Variants in PCDHGB4 observed in about 807,000 individuals in gnomAD.
PCDHGB4 encodes the protein protocadherin gamma subfamily B, 4.
Under a neutral mutation model 60.5 loss-of-function variants are expected in PCDHGB4, and 38 were observed. The ratio of observed to expected loss-of-function variants is 0.63; its 90% CI spans 0.48 to 0.82. The LOEUF (loss-of-function observed/expected upper bound fraction) is 0.82, where lower values mean the gene tolerates loss of function less well. Among genes scored for constraint, PCDHGB4 ranks in the 40% least tolerant of loss-of-function variants. PCDHGB4 has a pLI of 0.00. For missense variants in PCDHGB4, 1,109 were observed against 1,209.6 expected (o/e 0.92, Z 1.23); for synonymous variants, 456 against 509.7 (o/e 0.89, Z 1.42).
Position 141,432,757 on chromosome 5 carries a change from C to T in PCDHGB4, c.2397+42476C>T. On this transcript the variant is annotated intron_variant, in intron 1 of 3. Coordinates refer to ENST00000519479, the MANE Select transcript of PCDHGB4 (RefSeq NM_003736.4). This position sits in a 1 kb window ranked among gnomAD's most constrained non-coding sequence, Gnocchi z 6.0. ...TCACGCTCACCGTGGCCGTGGCCGA[C>T]AGCATCCCCCAAGTCCTGGCGGACC... is the stretch of plus-strand genomic sequence containing the variant. 1.2e-6 allele frequency: 2 copies of T among 1,614,150 alleles called. No individual in the cohort carries two copies. Among genetic ancestry groups the T allele is most frequent in the African/African-American group, 1.3e-5 (1 of 75,076 alleles).
chr5:141,448,763 A>AC (rs1372638258), intron 1 of PCDHGB4, among the ~76,000 whole-genome samples: 11 of 151,572 alleles, frequency 7.3e-5, no homozygotes, highest in Admixed American at 5.3e-4. Flanking sequence ...ACACGGTGAA[A>AC]CCCCGTCTGT....
In PCDHGB4 at chr5:141,431,150, C is replaced by A. The variant is rs1007532359; in HGVS notation, c.2397+40869C>A. On this transcript the variant is annotated intron_variant, in intron 1 of 3. Transcript: ENST00000519479. The surrounding 1 kb of genome is among the most constrained non-coding windows in gnomAD (Gnocchi z 4.8). ...AGTAAGGGACATTAACGACAATGCGCCTTACTTTCGTGAAAGTGAATTAGA... is the reference window on the plus strand; with the variant it reads ...AGTAAGGGACATTAACGACAATGCGACTTACTTTCGTGAAAGTGAATTAGA... The A allele has an allele frequency of 1.2e-6, 2 of 1,614,226 alleles. No individual in the cohort carries two copies. The highest frequency in any genetic ancestry group is 1.7e-6 in the Non-Finnish European group (2 of 1,180,030).
intron 1 of PCDHGB4, chr5:141,427,677 C>T: frequency 1.2e-6 from 1 of 816,672 alleles, no homozygotes; most frequent in Non-Finnish European, 2.1e-6. Flanking sequence ...AAACAACCTT[C>T]CCGGAGCCTC....
chr5:141,496,306 C>T (rs1380057886), intron 2 of PCDHGB4, among the ~76,000 whole-genome samples: 1 of 152,202 alleles, frequency 6.6e-6, no homozygotes, highest in South Asian at 2.1e-4. Flanking sequence ...ATAGGCTCTG[C>T]GCCAGGCCTC....
Position 141,505,229 on chromosome 5 carries a change from G to T in PCDHGB4, c.2457-164G>T, listed in dbSNP as rs116169437. 9.5e-4 allele frequency: 809 copies of T among 847,460 alleles called. 6 individuals carry two copies. In the African/African-American group the frequency reaches 0.013, roughly 13 times the overall value. 52.5% of individuals were successfully genotyped at this position (847,460 alleles called of 1,614,324 possible). ...TGAGGGACTGACTTGTGGGATTCTG[G>T]CTTCTGAAGGATTGTAGAAGTGCCT... On this transcript the variant is annotated intron_variant, in intron 2 of 3. Coordinates refer to ENST00000519479, the MANE Select transcript of PCDHGB4 (RefSeq NM_003736.4).
chr5:141,392,568 T>A (rs2092555063), intron 1 of PCDHGB4: 4 of 442,486 alleles, frequency 9.0e-6, no homozygotes, highest in Non-Finnish European at 1.2e-5. Context: ...CAGTAACTAT[T>A]TAGGACTGTA....
rs779391932 is a variant in PCDHGB4, at chr5:141,419,996, C to T, written c.2397+29715C>T. Reference sequence around the variant, plus strand: ...CCTCGCGGTGATTCTAGCTATTGCTCTACGCCTGCGACAGTCTTTCAGCCC... The same window carrying T: ...CCTCGCGGTGATTCTAGCTATTGCTTTACGCCTGCGACAGTCTTTCAGCCC... On this transcript the variant is annotated intron_variant, in intron 1 of 3. Coordinates refer to ENST00000519479, the MANE Select transcript of PCDHGB4 (RefSeq NM_003736.4). 10 of 1,613,966 alleles carry T rather than the reference C, an allele frequency of 6.2e-6. No homozygotes were observed. In the East Asian group the frequency reaches 2.2e-4, roughly 36 times the overall value.
At chr5:141,399,454 G>A in intron 1 of PCDHGB4, 1 of 1,613,992 alleles carries the variant, frequency 6.2e-7, no homozygotes. Flanking sequence ...AGACGTCAAC[G>A]ATAACGCTCC....
At position 141,431,026 on chromosome 5, in the gene PCDHGB4, G is replaced by A; in HGVS notation, c.2397+40745G>A. On this transcript the variant is annotated intron_variant, in intron 1 of 3. Coordinates refer to ENST00000519479, the MANE Select transcript of PCDHGB4 (RefSeq NM_003736.4). This position sits in a 1 kb window ranked among gnomAD's most constrained non-coding sequence, Gnocchi z 4.8. Reference sequence around the variant, plus strand: ...GCGGCAGCTTGGTCACGGCGGGCAGGATAGACCGGGAGGAGCTCTGTATGG... The same window carrying A: ...GCGGCAGCTTGGTCACGGCGGGCAGAATAGACCGGGAGGAGCTCTGTATGG... The A allele has an allele frequency of 1.2e-6, 2 of 1,614,118 alleles. No homozygotes were observed. The highest frequency in any genetic ancestry group is 1.7e-6 in the Non-Finnish European group (2 of 1,179,960).
intron 1 of PCDHGB4, among the ~76,000 whole-genome samples, chr5:141,426,008 T>G (rs2096909040): frequency 6.6e-6 from 1 of 152,224 alleles, no homozygotes; most frequent in South Asian, 2.1e-4. Context: ...GGCTTCCGGC[T>G]GCAGTTTTCT....
At chr5:141,494,455 G>A (rs906714175) in intron 1 of PCDHGB4, among the ~76,000 whole-genome samples, 2 of 152,156 alleles carry the variant, frequency 1.3e-5, no homozygotes, top group African/African-American at 4.8e-5. Flanking sequence ...AGGGGGCTTT[G>A]TCTGCACCTC....
chr5:141,394,006 TAGGTA>T, intron 1 of PCDHGB4: 3 of 1,613,358 alleles, frequency 1.9e-6, no homozygotes, highest in Admixed American at 3.3e-5. Flanking sequence ...GAAAAGTCAA[TAGGTA>T]ATTATTATAG....
chr5:141,419,065 C>G (rs763008753), intron 1 of PCDHGB4: 2 of 1,613,786 alleles, frequency 1.2e-6, no homozygotes, highest in South Asian at 2.2e-5. Context: ...ATAATTACTA[C>G]AAGCTAGTAA....
chr5:141,467,095 C>G (rs930625426), intron 1 of PCDHGB4, among the ~76,000 whole-genome samples: 2 of 150,094 alleles, frequency 1.3e-5, no homozygotes, highest in African/African-American at 4.9e-5. Context: ...CTCTGTCACA[C>G]AGGCTGGAGT....
At chr5:141,417,635 G>A in intron 1 of PCDHGB4, 1 of 724,902 alleles carries the variant, frequency 1.4e-6, no homozygotes, top group Non-Finnish European at 2.1e-6. Context: ...CTGACGCCGG[G>A]GATCCCTCAG....
chr5:141,491,802 G>C lies in PCDHGB4; in HGVS notation c.2398-3005G>C, dbSNP rs759587995. 1 of 1,497,480 alleles carries C rather than the reference G, an allele frequency of 6.7e-7. No homozygotes were observed. The highest frequency in any genetic ancestry group is 1.3e-5 in the South Asian group (1 of 74,938). The allele number at this position is 1,497,480 out of a possible 1,614,324, so 92.8% of individuals were successfully genotyped here. A position where few individuals can be genotyped will look rare whatever the true frequency, so the allele number is the denominator to read the frequency against. On this transcript the variant is annotated intron_variant, in intron 1 of 3. Coordinates refer to ENST00000519479, the MANE Select transcript of PCDHGB4 (RefSeq NM_003736.4). The surrounding 1 kb of genome is among the most constrained non-coding windows in gnomAD (Gnocchi z 6.9). ...ACTTGCATCCACTCCTCTCCGGCCG[G>C]CTTGGTCGCTGGCTGCGCTCCACCC...
chr5:141,490,941 A>G lies in PCDHGB4; in HGVS notation c.2398-3866A>G. The G allele has an allele frequency of 6.2e-7, 1 of 1,613,628 alleles. No homozygotes were observed. The highest frequency in any genetic ancestry group is 8.5e-7 in the Non-Finnish European group (1 of 1,179,772). On this transcript the variant is annotated intron_variant, in intron 1 of 3. Coordinates refer to ENST00000519479, the MANE Select transcript of PCDHGB4 (RefSeq NM_003736.4). The surrounding 1 kb of genome is among the most constrained non-coding windows in gnomAD (Gnocchi z 5.4). ...ATAATGCCCCAGCTGTGCTGCACCC[A>G]CGGCCAGACTGGGAACACTCAGCCC... is the stretch of plus-strand genomic sequence containing the variant.
Position 141,431,335 on chromosome 5 carries a change from C to G in PCDHGB4, c.2397+41054C>G, listed in dbSNP as rs747132346. On this transcript the variant is annotated intron_variant, in intron 1 of 3. Transcript: ENST00000519479. The surrounding 1 kb of genome is among the most constrained non-coding windows in gnomAD (Gnocchi z 4.8). ...ATGGAGCCGACGGTAGTAAGTACCC[C>G]GAATTGGTGCTGAAACGCGCCCTGG... 2 of 1,614,062 alleles carry G rather than the reference C, an allele frequency of 1.2e-6. No homozygotes were observed. Among genetic ancestry groups the G allele is most frequent in the Non-Finnish European group, 1.7e-6 (2 of 1,180,022 alleles).
In PCDHGB4 at chr5:141,511,035, C is replaced by T. The variant is rs373005862; in HGVS notation, c.2634C>T (p.His878=). Residue 878 remains histidine (H), a synonymous_variant, in exon 4 of 4, where the codon CAC becomes CAT. Transcript: ENST00000519479. ...ACGGACCCCAGTTCACCCTGCAGCA[C>T]GTGCCCGACTACCGCCAGAATGTCT... ...ARYGPQFTLQ[H]VPDYRQNVYI... The T allele has an allele frequency of 1.7e-5, 27 of 1,614,208 alleles. No individual in the cohort carries two copies. The African/African-American group carries it at 2.9e-4, about 18-fold the overall frequency.
Sources: gnomAD v4.1 joint callset for allele counts (sites outside exome capture counted in the v4.1 genomes callset) on GRCh38, gnomAD v4.1.1 for gene constraint, Gnocchi (gnomAD v3.1) non-coding constraint, MANE v1.5 for transcripts, NCBI Gene and HGNC (gene_info 2026-07-23, HGNC 2026-07-21) for gene names.